CRHR2: variants seen among roughly 807,000 people sequenced by gnomAD.
CRHR2 encodes the protein corticotropin-releasing hormone receptor 2.
Under a neutral mutation model 57.9 loss-of-function variants are expected in CRHR2, and 53 were observed. The ratio of observed to expected loss-of-function variants is 0.92; its 90% CI spans 0.73 to 1.15. The LOEUF (loss-of-function observed/expected upper bound fraction) is 1.15, where lower values mean the gene tolerates loss of function less well. CRHR2 is among the 50% of genes most tolerant of loss of function. The pLI is 0.00. For synonymous variants in CRHR2, 213 were observed against 220.9 expected (o/e 0.96, Z 0.32); for missense variants, 532 against 542.6 (o/e 0.98, Z 0.19).
Position 30,667,230 on chromosome 7 carries a change from T to G in CRHR2, c.313A>C (p.Lys105Gln). 3.1e-6 allele frequency: 5 copies of G among 1,614,048 alleles called. No individual in the cohort carries two copies. The highest frequency in any genetic ancestry group is 4.2e-6 in the Non-Finnish European group (5 of 1,179,938). The change falls in exon 3 of 12, where the codon AAG (lysine) becomes CAG (glutamine). Residue 105 changes from lysine (K) to glutamine (Q), a missense_variant and splice_region_variant. Lys to Gln is a moderately conservative substitution (Grantham distance 53). Coordinates refer to ENST00000471646, the MANE Select transcript of CRHR2 (RefSeq NM_001883.5). ...CACAGCAGGTGAGGGCCACTCACCT[T>G]GTCATCCAAAATGGGCTCACACTGT... ...YSQCEPILDDKQRKYDLHYRI... is the reference protein window; with the variant it reads ...YSQCEPILDDQQRKYDLHYRI...
At chr7:30,667,141 G>A in intron 3 of CRHR2, 87 bp downstream of exon 3, 2 of 1,207,536 alleles carry the variant, frequency 1.7e-6, no homozygotes, top group South Asian at 2.5e-5. Flanking sequence ...AAAAGGACTG[G>A]TCTGCCCCCC....
chr7:30,660,356 G>C lies in CRHR2; in HGVS notation c.831+217C>G, dbSNP rs2270007. 0.85 allele frequency among the ~76,000 whole-genome samples: 128,742 copies of C among 152,310 alleles called. 54,794 individuals carry two copies. Among genetic ancestry groups the C allele is most frequent in the African/African-American group, 0.93 (38,807 of 41,588 alleles). ...TCCCAGAGAAAGAGCCCTGAGGTCA[G>C]CAGAGTGGTGCAGGGCTGCGCCAGG... On this transcript the variant is annotated intron_variant, in intron 8 of 11. Transcript: ENST00000471646.
At chr7:30,670,153 T>C (rs1205874474) in intron 2 of CRHR2, among the ~76,000 whole-genome samples, 1 of 152,018 alleles carries the variant, frequency 6.6e-6, no homozygotes, top group Non-Finnish European at 1.5e-5. Context: ...AAACACAGAA[T>C]CCAGCTGTAC....
intron 1 of CRHR2, among the ~76,000 whole-genome samples, chr7:30,699,339 G>A (rs1049992653): frequency 1.3e-5 from 2 of 152,186 alleles, no homozygotes; most frequent in African/African-American, 4.8e-5. Context: ...AACCCTTGGA[G>A]AGGCTGGTTC....
At chr7:30,663,549 T>G (rs747541661) in intron 5 of CRHR2, among the ~76,000 whole-genome samples, 2 of 152,220 alleles carry the variant, frequency 1.3e-5, no homozygotes, top group Non-Finnish European at 2.9e-5. Flanking sequence ...TGGTTGTGCC[T>G]GCTGTGGTTC....
At chr7:30,686,555 T>C (rs1292830231), upstream of CRHR2, 1 of 1,518,304 alleles carries the variant, frequency 6.6e-7, no homozygotes, top group Non-Finnish European at 8.8e-7. Flanking sequence ...ACACCCATAA[T>C]CTCAGCACTT....
chr7:30,694,184 C>T (rs1221999752), intron 1 of CRHR2, among the ~76,000 whole-genome samples: 5 of 152,234 alleles, frequency 3.3e-5, no homozygotes, highest in East Asian at 1.9e-4. Context: ...CCCCTAATCC[C>T]GGGAGACCAG....
exon 1 of CRHR2, chr7:30,700,067 T>G: frequency 7.4e-7 from 1 of 1,351,588 alleles, no homozygotes; most frequent in Admixed American, 3.6e-5. Context: ...GACTGGAGCC[T>G]GCTGCCCAGC....
upstream of CRHR2, among the ~76,000 whole-genome samples, chr7:30,683,180 G>A (rs1372538119): frequency 1.3e-5 from 2 of 152,224 alleles, no homozygotes; most frequent in East Asian, 3.9e-4. Context: ...ATCAGATGGA[G>A]TAAGTCTAGG....
chr7:30,653,454 G>A lies in CRHR2; in HGVS notation c.*6C>T, dbSNP rs550672911. On this transcript the variant is annotated 3_prime_UTR_variant, in exon 12 of 12. Coordinates refer to ENST00000471646, the MANE Select transcript of CRHR2 (RefSeq NM_001883.5). The surrounding 1 kb of genome is among the most constrained non-coding windows in gnomAD (Gnocchi z 5.0). ...AGGGGAGCTGTGCAGGTGGGCGACC[G>A]AGGGGTCACACAGCGGCCGTCTGCT... 177 of 1,612,898 alleles carry A rather than the reference G, an allele frequency of 1.1e-4. 1 individual carries two copies. The highest frequency in any genetic ancestry group is 1.0e-3 in the South Asian group (92 of 90,986).
intron 11 of CRHR2, chr7:30,654,818 C>T (rs1445971537): frequency 1.3e-6 from 2 of 1,540,024 alleles, no homozygotes; most frequent in Admixed American, 2.0e-5. Flanking sequence ...TCTGAGTGCA[C>T]ATGTGGGGTG....
chr7:30,656,958 C>T lies in CRHR2; in HGVS notation c.832-946G>A, dbSNP rs1269307675. On this transcript the variant is annotated intron_variant, in intron 8 of 11. Coordinates refer to ENST00000471646, the MANE Select transcript of CRHR2 (RefSeq NM_001883.5). This position sits in a 1 kb window ranked among gnomAD's most constrained non-coding sequence, Gnocchi z 4.4. ...TCACCTGCCTCCGAGCATAGGCAGGCAGGCAGGCAAGGGAGTGTGTGTCGG... is the reference window on the plus strand; with the variant it reads ...TCACCTGCCTCCGAGCATAGGCAGGTAGGCAGGCAAGGGAGTGTGTGTCGG... Among the ~76,000 whole-genome samples the T allele has an allele frequency of 6.6e-6, 1 of 152,160 alleles. No individual in the cohort carries two copies. Among genetic ancestry groups the T allele is most frequent in the Non-Finnish European group, 1.5e-5 (1 of 68,022 alleles).
chr7:30,691,520 TG>T (rs1474068089), intron 1 of CRHR2, among the ~76,000 whole-genome samples: 1 of 152,216 alleles, frequency 6.6e-6, no homozygotes, highest in African/African-American at 2.4e-5. Context: ...CAATGTGGGA[TG>T]GTCCTTGCCT....
Position 30,662,723 on chromosome 7 carries a change from C to G in CRHR2, c.668G>C (p.Arg223Pro). 9 of 1,614,124 alleles carry G rather than the reference C, an allele frequency of 5.6e-6. No individual in the cohort carries two copies. Among genetic ancestry groups the G allele is most frequent in the Non-Finnish European group, 7.6e-6 (9 of 1,179,966 alleles). ...IVMTYSTERL[R>P]KCLFLFIGWC... is the part of the protein sequence containing the mutation. ...TCCGATGAAGAGGAAGAGGCACTTG[C>G]GCAGGCGCTCAGTGGAGTAGGTCAT... Residue 223 changes from arginine (R) to proline (P), a missense_variant, in exon 6 of 12, where the codon CGC becomes CCC. Transcript: ENST00000471646.
chr7:30,673,580 C>G (rs1310320251), intron 2 of CRHR2, among the ~76,000 whole-genome samples: 1 of 152,208 alleles, frequency 6.6e-6, no homozygotes, highest in African/African-American at 2.4e-5. Flanking sequence ...TTGGCCTCCA[C>G]TTCCTGGAGT....
intron 2 of CRHR2, among the ~76,000 whole-genome samples, chr7:30,669,689 T>C (rs1272829830): frequency 6.6e-6 from 1 of 152,202 alleles, no homozygotes; most frequent in Non-Finnish European, 1.5e-5. Context: ...CTTCTTTTCT[T>C]GCCACCTTGA....
chr7:30,685,678 A>G (rs1450709421), upstream of CRHR2, among the ~76,000 whole-genome samples: 1 of 152,036 alleles, frequency 6.6e-6, no homozygotes, highest in East Asian at 1.9e-4. Context: ...GACAGAAAGG[A>G]CTCTCAGTGA....
chr7:30,683,715 T>C (rs1430583306), upstream of CRHR2, among the ~76,000 whole-genome samples: 7 of 152,330 alleles, frequency 4.6e-5, no homozygotes, highest in East Asian at 9.7e-4. Context: ...TTCTGAGTTA[T>C]GAGACGGAGA....
intron 2 of CRHR2, among the ~76,000 whole-genome samples, chr7:30,674,965 G>A (rs1784473311): frequency 6.6e-6 from 1 of 152,140 alleles, no homozygotes; most frequent in African/African-American, 2.4e-5. Context: ...GGCCCCACGA[G>A]GTCAGCATGT....
Sources: gnomAD v4.1 joint callset for allele counts (sites outside exome capture counted in the v4.1 genomes callset) on GRCh38, gnomAD v4.1.1 for gene constraint, Gnocchi (gnomAD v3.1) non-coding constraint, MANE v1.5 for transcripts, NCBI Gene and HGNC (gene_info 2026-07-23, HGNC 2026-07-21) for gene names.